Variants in ZBTB38 observed in about 807,000 individuals in gnomAD.
ZBTB38 encodes the protein zinc finger and BTB domain containing 38.
ZBTB38 carries 20 observed loss-of-function variants against 76.8 expected under a neutral mutation model. That is an observed-to-expected ratio of 0.26 (90% CI 0.18 to 0.38). The LOEUF (loss-of-function observed/expected upper bound fraction) is 0.38, where lower values mean the gene tolerates loss of function less well. Ranked by LOEUF, ZBTB38 falls within the 10% of genes least tolerant of loss-of-function variation. The pLI, the probability that ZBTB38 is intolerant of heterozygous loss-of-function variation, is 1.00. For missense variants in ZBTB38, 1,082 were observed against 1,482.3 expected, an observed-to-expected ratio of 0.73 and a Z score of 4.43; for synonymous variants, 504 against 544.2, an observed-to-expected ratio of 0.93 and a Z score of 1.03.
rs1353814703 is a variant in ZBTB38 at position 141,448,026 on chromosome 3, A to G, written c.*2050A>G. 6.6e-6 allele frequency: 1 copy of G among 152,630 alleles called. No homozygotes were observed. The allele number at this position is 152,630 out of a possible 1,614,324, so 9.5% of individuals were successfully genotyped here. A position where few individuals can be genotyped will look rare whatever the true frequency, so the allele number is the denominator to read the frequency against. ...TAGTCACAAAGGGCTTACGAAAATC[A>G]TTTTTGAATTGATAATTAGAATATT... On this transcript the variant is annotated 3_prime_UTR_variant, in exon 6 of 6. Transcript: ENST00000321464.
intron 2 of ZBTB38, among the ~76,000 whole-genome samples, chr3:141,378,003 C>G (rs1431966799): frequency 6.6e-6 from 1 of 151,936 alleles, no homozygotes; most frequent in Non-Finnish European, 1.5e-5. Flanking sequence ...ACAGGGAGAC[C>G]CGCATCTCTA....
Position 141,442,811 on chromosome 3 carries a change from G to C in ZBTB38, c.423G>C (p.Lys141Asn), listed in dbSNP as rs1344150675. The C allele has an allele frequency of 2.5e-6, 4 of 1,614,064 alleles. No individual in the cohort carries two copies. In the African/African-American group the frequency reaches 5.3e-5, roughly 22 times the overall value. Reference protein sequence around the residue: ...PGPYVFCITEKGVVKEEKNEK... With the variant: ...PGPYVFCITENGVVKEEKNEK... ...CCTATGTATTCTGTATTACTGAAAA[G>C]GGAGTGGTTAAAGAAGAAAAAAATG... The change falls in exon 6 of 6, where the codon AAG becomes AAC. Residue 141 changes from lysine (K) to asparagine (N), a missense_variant. Coordinates refer to ENST00000321464, the MANE Select transcript of ZBTB38 (RefSeq NM_001376113.1). The surrounding 1 kb of genome is among the most constrained non-coding windows in gnomAD (Gnocchi z 6.4).
intron 5 of ZBTB38, among the ~76,000 whole-genome samples, chr3:141,420,250 G>C (rs2075059569): frequency 6.6e-6 from 1 of 152,172 alleles, no homozygotes; most frequent in East Asian, 1.9e-4. Flanking sequence ...TGAGGGAATA[G>C]AGAAGAACAG....
intron 5 of ZBTB38, among the ~76,000 whole-genome samples, chr3:141,428,526 C>T (rs1469441095): frequency 6.6e-6 from 1 of 152,076 alleles, no homozygotes; most frequent in Non-Finnish European, 1.5e-5. Flanking sequence ...GCTCTGTTGT[C>T]GCCCAGGCTG....
intron 1 of ZBTB38, among the ~76,000 whole-genome samples, chr3:141,359,445 G>C (rs1362132107): frequency 6.6e-6 from 1 of 152,216 alleles, no homozygotes; most frequent in Non-Finnish European, 1.5e-5. Flanking sequence ...CCCTATGGTG[G>C]GTGGTGAGCT....
intron 4 of ZBTB38, chr3:141,396,454 T>A: frequency 6.0e-6 from 1 of 167,416 alleles, no homozygotes; most frequent in Non-Finnish European, 1.3e-5. Context: ...AAGTCTTGAA[T>A]CTCTCAAAGT....
chr3:141,362,784 G>A (rs1351510573), intron 1 of ZBTB38, among the ~76,000 whole-genome samples: 3 of 152,070 alleles, frequency 2.0e-5, no homozygotes, highest in Non-Finnish European at 1.5e-5. Flanking sequence ...ATGCTGAGGG[G>A]AATTGAAGGG....
At chr3:141,360,099 T>C (rs1943776142) in intron 1 of ZBTB38, among the ~76,000 whole-genome samples, 1 of 152,228 alleles carries the variant, frequency 6.6e-6, no homozygotes, top group African/African-American at 2.4e-5. Context: ...AATTTCTAGT[T>C]AGACAGCATA....
chr3:141,359,247 C>T (rs561024432), intron 1 of ZBTB38, among the ~76,000 whole-genome samples: 1 of 152,316 alleles, frequency 6.6e-6, no homozygotes, highest in Admixed American at 6.5e-5. Context: ...TGCTGCTGCT[C>T]TTCAAGGAAT....
chr3:141,329,378 T>A (rs1942777363), intron 1 of ZBTB38, among the ~76,000 whole-genome samples: 1 of 152,196 alleles, frequency 6.6e-6, no homozygotes, highest in South Asian at 2.1e-4. Context: ...TCCCACATCC[T>A]TCTCCCAGCT....
intron 3 of ZBTB38, among the ~76,000 whole-genome samples, chr3:141,382,707 T>C (rs1946368349): frequency 6.6e-6 from 1 of 152,234 alleles, no homozygotes; most frequent in Non-Finnish European, 1.5e-5. Context: ...TCTTTCATTG[T>C]GTCTTTTCCA....
intron 5 of ZBTB38, among the ~76,000 whole-genome samples, chr3:141,436,736 G>T (rs2078895085): frequency 6.6e-6 from 1 of 152,168 alleles, no homozygotes; most frequent in Non-Finnish European, 1.5e-5. Flanking sequence ...GACCTCAAGT[G>T]ATCCACCCAC....
chr3:141,369,292 A>C (rs60096343), intron 1 of ZBTB38, among the ~76,000 whole-genome samples: 2,784 of 152,310 alleles, frequency 0.018, 71 homozygotes, highest in African/African-American at 0.063. Flanking sequence ...AAAGATGTAC[A>C]TAATTGTGCT....
At chr3:141,325,239 A>G (rs1942638049) in intron 1 of ZBTB38, among the ~76,000 whole-genome samples, 1 of 152,260 alleles carries the variant, frequency 6.6e-6, no homozygotes, top group South Asian at 2.1e-4. Context: ...TTAACCACAC[A>G]GTAATTTAGC....
chr3:141,424,572 A>C (rs1440995478), intron 5 of ZBTB38, among the ~76,000 whole-genome samples: 1 of 152,208 alleles, frequency 6.6e-6, no homozygotes, highest in African/African-American at 2.4e-5. Flanking sequence ...TGCTTAGAAG[A>C]GATGCTAACA....
chr3:141,434,262 T>C (rs2078249841), intron 5 of ZBTB38: 1 of 938,470 alleles, frequency 1.1e-6, no homozygotes, highest in Non-Finnish European at 1.3e-6. Flanking sequence ...AACTAGGGAC[T>C]GGGAGAGAAG....
intron 4 of ZBTB38, chr3:141,388,409 G>A (rs1435478999): frequency 4.6e-5 from 7 of 152,076 alleles, no homozygotes; most frequent in Non-Finnish European, 8.8e-5. Flanking sequence ...GGGATGAGGA[G>A]TTACAATTTT....
intron 1 of ZBTB38, among the ~76,000 whole-genome samples, chr3:141,352,161 AT>A (rs948978016): frequency 1.1e-4 from 17 of 152,210 alleles, no homozygotes; most frequent in South Asian, 2.1e-4. Flanking sequence ...TCAATAAATA[AT>A]TTTTTTATAT....
chr3:141,376,530 A>G (rs13067032), intron 2 of ZBTB38, among the ~76,000 whole-genome samples: 47,424 of 151,916 alleles, frequency 0.31, 7,988 homozygotes, highest in African/African-American at 0.36. Flanking sequence ...AAAGTCTACA[A>G]CCTCCCTTGA....
Sources: allele counts gnomAD v4.1 joint callset (sites outside exome capture counted in the v4.1 genomes callset), GRCh38; gene constraint gnomAD v4.1.1; non-coding constraint Gnocchi (gnomAD v3.1); transcripts MANE v1.5; gene names NCBI Gene and HGNC (gene_info 2026-07-23, HGNC 2026-07-21).